Variants in RNF220 observed in about 807,000 individuals in gnomAD.
RNF220 encodes E3 ubiquitin-protein ligase RNF220.
A neutral mutation model predicts 67.1 loss-of-function variants in RNF220; 7 were observed. The observed-to-expected ratio is 0.10, with a 90% CI of 0.06 to 0.20. The LOEUF (loss-of-function observed/expected upper bound fraction) is 0.20. Ranked by LOEUF, RNF220 falls within the 10% of genes least tolerant of loss-of-function variation. The pLI, the probability that RNF220 is intolerant of heterozygous loss-of-function variation, is 1.00. For synonymous variants in RNF220, 270 were observed against 283.2 expected (o/e 0.95, Z 0.47); for missense variants, 565 against 740.3 (o/e 0.76, Z 2.75).
intron 2 of RNF220, among the ~76,000 whole-genome samples, chr1:44,467,495 GCCACCGCA>G (rs1386315157): frequency 6.6e-6 from 1 of 152,258 alleles, no homozygotes; most frequent in Non-Finnish European, 1.5e-5. Flanking sequence ...ACAGGCGTGA[GCCACCGCA>G]CCTGGCTGCT....
intron 2 of RNF220, among the ~76,000 whole-genome samples, chr1:44,577,007 G>A (rs1344311081): frequency 2.0e-5 from 3 of 152,302 alleles, no homozygotes; most frequent in Middle Eastern, 3.4e-3. Flanking sequence ...TTGAGCATTT[G>A]CCAAGTATAT....
At chr1:44,487,972 CG>C (rs925949932) in intron 2 of RNF220, among the ~76,000 whole-genome samples, 1 of 40,648 alleles carries the variant, frequency 2.5e-5, no homozygotes, top group African/African-American at 4.5e-5. Context: ...TTTGGCACTG[CG>C]ATTTTTTTTT....
intron 2 of RNF220, among the ~76,000 whole-genome samples, chr1:44,424,219 A>C (rs960503949): frequency 3.3e-5 from 5 of 152,196 alleles, no homozygotes; most frequent in African/African-American, 1.2e-4. Context: ...ATTTCAAGAG[A>C]GAGAGAGAGT....
At chr1:44,550,767 T>G (rs114333009) in intron 2 of RNF220, among the ~76,000 whole-genome samples, 1 of 152,016 alleles carries the variant, frequency 6.6e-6, no homozygotes, top group East Asian at 1.9e-4. Context: ...TAGTTCTGAG[T>G]GTATGTGTAG....
chr1:44,474,900 T>C (rs1453790708), intron 2 of RNF220, among the ~76,000 whole-genome samples: 1 of 152,158 alleles, frequency 6.6e-6, no homozygotes, highest in Non-Finnish European at 1.5e-5. Context: ...ATCCAAGTGT[T>C]TTGGTGTCTG....
intron 2 of RNF220, among the ~76,000 whole-genome samples, chr1:44,529,871 C>T (rs1660695784): frequency 6.6e-6 from 1 of 150,942 alleles, no homozygotes; most frequent in Non-Finnish European, 1.5e-5. Context: ...GGCAATATGG[C>T]AAAACCCCAT....
intron 1 of RNF220, among the ~76,000 whole-genome samples, chr1:44,410,992 C>T (rs1327231465): frequency 3.3e-5 from 5 of 152,154 alleles, no homozygotes; most frequent in South Asian, 2.1e-4. Flanking sequence ...CAATTTGTTC[C>T]GGGGGCCTTT....
chr1:44,499,949 C>A (rs1309804789), intron 2 of RNF220, among the ~76,000 whole-genome samples: 1 of 152,214 alleles, frequency 6.6e-6, no homozygotes, highest in Non-Finnish European at 1.5e-5. Context: ...ACCATTCATA[C>A]TGCCTATCAG....
intron 2 of RNF220, among the ~76,000 whole-genome samples, chr1:44,572,526 A>T (rs1664513200): frequency 6.6e-6 from 1 of 152,216 alleles, no homozygotes; most frequent in African/African-American, 2.4e-5. Flanking sequence ...CTCAGCACAA[A>T]GTGGGTGCTG....
At chr1:44,446,080 T>G (rs950215881) in intron 2 of RNF220, among the ~76,000 whole-genome samples, 3 of 152,224 alleles carry the variant, frequency 2.0e-5, no homozygotes, top group South Asian at 2.1e-4. Context: ...TAATAACTTA[T>G]GAAAAACTTC....
intron 2 of RNF220, among the ~76,000 whole-genome samples, chr1:44,439,893 T>C (rs910918208): frequency 2.0e-5 from 3 of 152,072 alleles, no homozygotes; most frequent in Admixed American, 1.3e-4. Context: ...TGAAATAAAA[T>C]GTGATGAGTG....
At chr1:44,429,303 T>G (rs1291493307) in intron 2 of RNF220, among the ~76,000 whole-genome samples, 1 of 152,216 alleles carries the variant, frequency 6.6e-6, no homozygotes, top group African/African-American at 2.4e-5. Context: ...TGCAAATTCT[T>G]CCAGATGTTT....
At chr1:44,505,898 C>G (rs1035319384) in intron 2 of RNF220, among the ~76,000 whole-genome samples, 1 of 152,224 alleles carries the variant, frequency 6.6e-6, no homozygotes, top group East Asian at 1.9e-4. Context: ...CTCCCCTCCC[C>G]CCATGCCCTG....
At chr1:44,642,779 C>T (rs550077017) in intron 8 of RNF220, among the ~76,000 whole-genome samples, 1 of 152,246 alleles carries the variant, frequency 6.6e-6, no homozygotes. Flanking sequence ...CTCTGCTTTC[C>T]ACTTATAAGG....
chr1:44,645,897 A>C lies in RNF220; in HGVS notation c.1445+409A>C, dbSNP rs1016900365. The stretch of plus-strand genomic sequence containing the variant: ...GCACTCGCAGTGGATTTTAGGCAGG[A>C]ACATTGGGTATCATCACTTCTGGTA... On this transcript the variant is annotated intron_variant, in intron 12 of 14. Coordinates refer to ENST00000361799, the MANE Select transcript of RNF220 (RefSeq NM_018150.4). This position sits in a 1 kb window ranked among gnomAD's most constrained non-coding sequence, Gnocchi z 5.0. Among the ~76,000 whole-genome samples the C allele has an allele frequency of 6.6e-6, 1 of 152,184 alleles. No individual in the cohort carries two copies. The highest frequency in any genetic ancestry group is 2.4e-5 in the African/African-American group (1 of 41,438).
chr1:44,488,797 C>T (rs112453262), intron 2 of RNF220, among the ~76,000 whole-genome samples: 2,176 of 133,106 alleles, frequency 0.016, 59 homozygotes, highest in African/African-American at 0.059. Context: ...GTGGTGCTAT[C>T]GGGCTCACTC....
intron 2 of RNF220, among the ~76,000 whole-genome samples, chr1:44,610,173 G>T (rs1643215075): frequency 1.3e-5 from 2 of 152,214 alleles, no homozygotes; most frequent in Non-Finnish European, 2.9e-5. Flanking sequence ...GGCTGCGGGC[G>T]TTCCCCCCAC....
intron 2 of RNF220, among the ~76,000 whole-genome samples, chr1:44,454,360 T>C (rs566403981): frequency 6.6e-5 from 10 of 152,318 alleles, no homozygotes; most frequent in African/African-American, 2.4e-4. Context: ...TGTAAATTTA[T>C]GTATACTGGA....
At chr1:44,445,170 C>A (rs1488431802) in intron 2 of RNF220, among the ~76,000 whole-genome samples, 2 of 152,028 alleles carry the variant, frequency 1.3e-5, no homozygotes, top group Non-Finnish European at 2.9e-5. Flanking sequence ...TGGTGAAGTG[C>A]CTGTTCAATG....
Sources: gnomAD v4.1 joint callset for allele counts (sites outside exome capture counted in the v4.1 genomes callset) on GRCh38, gnomAD v4.1.1 for gene constraint, Gnocchi (gnomAD v3.1) non-coding constraint, MANE v1.5 for transcripts, NCBI Gene and HGNC (gene_info 2026-07-23, HGNC 2026-07-21) for gene names.